Variants in PCDHA2 observed in about 807,000 individuals in gnomAD.
The protein encoded by PCDHA2 is protocadherin alpha 2.
In PCDHA2, 58 loss-of-function variants were observed where a neutral mutation model predicts 66.0. That is an observed-to-expected ratio of 0.88 (90% confidence interval 0.71 to 1.09). The LOEUF (loss-of-function observed/expected upper bound fraction) is 1.09, where lower values mean the gene tolerates loss of function less well. PCDHA2 is among the 50% of genes least tolerant of loss of function. The pLI, the probability that PCDHA2 is intolerant of heterozygous loss-of-function variation, is 0.00. For synonymous variants in PCDHA2, 634 were observed against 554.0 expected, an observed-to-expected ratio of 1.14 and a Z score of -2.03; for missense variants, 1,267 against 1,242.3, an observed-to-expected ratio of 1.02 and a Z score of -0.30.
rs1774863213 is a variant in PCDHA2 at position 140,837,000 on chromosome 5, G to A, written c.2388+39648G>A. The A allele has an allele frequency of 1.8e-5, 6 of 331,444 alleles. No individual in the cohort carries two copies. The East Asian group carries it at 3.3e-4, about 18-fold the overall frequency. 20.5% of individuals were successfully genotyped at this position (331,444 alleles called of 1,614,324 possible). A position where few individuals can be genotyped will look rare whatever the true frequency, so the allele number is the denominator to read the frequency against. On this transcript the variant is annotated intron_variant, in intron 1 of 3. Coordinates refer to ENST00000526136, the MANE Select transcript of PCDHA2 (RefSeq NM_018905.3). ...TTGGAGGAGGACTTTGCTAACTGGAGCAATGGATTCACCTTTCTTCTATAG... is the reference window on the plus strand; with the variant it reads ...TTGGAGGAGGACTTTGCTAACTGGAACAATGGATTCACCTTTCTTCTATAG...
At chr5:140,829,555 G>A in intron 1 of PCDHA2, 1 of 1,612,836 alleles carries the variant, frequency 6.2e-7, no homozygotes, top group Non-Finnish European at 8.5e-7. Context: ...AGGAGAACGC[G>A]CTGGTGTCCT....
In PCDHA2 at chr5:140,848,285, C is replaced by A. The variant is rs2150408028; in HGVS notation, c.2388+50933C>A. On this transcript the variant is annotated intron_variant, in intron 1 of 3. Coordinates refer to ENST00000526136, the MANE Select transcript of PCDHA2 (RefSeq NM_018905.3). ...TTTATTCATGAAATATGTACTTACA[C>A]TTTGGGCCACGTGATGTCACTCTTT... 1.5e-5 allele frequency: 9 copies of A among 616,904 alleles called. 3 individuals are homozygous for A. The highest frequency in any genetic ancestry group is 2.6e-5 in the Non-Finnish European group (9 of 351,312). 38.2% of individuals were successfully genotyped at this position (616,904 alleles called of 1,614,324 possible).
At chr5:140,807,188 A>C in intron 1 of PCDHA2, 1 of 1,613,140 alleles carries the variant, frequency 6.2e-7, no homozygotes, top group Non-Finnish European at 8.5e-7. Context: ...TGCACTAAAG[A>C]TGGAGTTTTC....
chr5:140,919,239 C>G (rs2079049864), intron 1 of PCDHA2, among the ~76,000 whole-genome samples: 1 of 152,188 alleles, frequency 6.6e-6, no homozygotes, highest in Non-Finnish European at 1.5e-5. Context: ...CACTTTTTGT[C>G]TTGTCTGTTT....
intron 1 of PCDHA2, chr5:140,808,421 G>T (rs1554124528): frequency 1.2e-6 from 2 of 1,614,156 alleles, no homozygotes; most frequent in Non-Finnish European, 1.7e-6. Flanking sequence ...GCTGGACAGT[G>T]CCCTGGACCG....
chr5:140,802,031 G>T, intron 1 of PCDHA2: 2 of 1,614,154 alleles, frequency 1.2e-6, no homozygotes, highest in Non-Finnish European at 1.7e-6. Context: ...AGGATATCGC[G>T]TATTCTTTCA....
intron 1 of PCDHA2, among the ~76,000 whole-genome samples, chr5:140,892,628 T>C (rs1554185308): frequency 6.6e-6 from 1 of 152,166 alleles, no homozygotes; most frequent in African/African-American, 2.4e-5. Flanking sequence ...TGGTACATAA[T>C]AATTGTACAT....
At chr5:140,820,700 C>T (rs1554127900) in intron 1 of PCDHA2, among the ~76,000 whole-genome samples, 1 of 151,906 alleles carries the variant, frequency 6.6e-6, no homozygotes, top group Admixed American at 6.6e-5. Flanking sequence ...ATATTCTTTT[C>T]AACATGATTA....
intron 1 of PCDHA2, among the ~76,000 whole-genome samples, chr5:140,900,840 T>G (rs6874218): frequency 0.33 from 49,667 of 152,016 alleles, 8,381 homozygotes; most frequent in East Asian, 0.53. Flanking sequence ...ATGTACAAAG[T>G]TTCCCTTTTT....
chr5:140,873,537 A>G, intron 1 of PCDHA2, among the ~76,000 whole-genome samples: 1 of 152,274 alleles, frequency 6.6e-6, no homozygotes, highest in Admixed American at 6.5e-5. Flanking sequence ...TCTATGGTAT[A>G]AAATTATAAT....
chr5:140,884,198 C>G, intron 1 of PCDHA2: 1 of 1,613,442 alleles, frequency 6.2e-7, no homozygotes, highest in Non-Finnish European at 8.5e-7. Flanking sequence ...GGACGCGCCG[C>G]ACCACCGCCT....
At chr5:140,918,940 A>C (rs541337613) in intron 1 of PCDHA2, among the ~76,000 whole-genome samples, 51 of 152,328 alleles carry the variant, frequency 3.3e-4, no homozygotes, top group African/African-American at 1.2e-3. Flanking sequence ...TTTTGTTATA[A>C]TATCCTGAAC....
At chr5:140,804,238 G>T (rs6579988) in intron 1 of PCDHA2, 88,854 of 151,772 alleles carry the variant, frequency 0.59, 26,783 homozygotes, top group African/African-American at 0.73. Flanking sequence ...TTTCCCAGTT[G>T]GGAAAAAAAT....
chr5:140,871,118 G>T (rs1554165149), intron 1 of PCDHA2: 1 of 1,613,306 alleles, frequency 6.2e-7, no homozygotes, highest in African/African-American at 1.3e-5. Context: ...GTGGAGAGCG[G>T]ACAGGCGCCA....
At chr5:140,853,708 A>G (rs535294888) in intron 1 of PCDHA2, 3 of 986,248 alleles carry the variant, frequency 3.0e-6, no homozygotes, top group South Asian at 9.5e-5. Flanking sequence ...ACGCATTAGC[A>G]TTAGCAGCAC....
chr5:141,010,446 C>G lies in PCDHA2; in HGVS notation c.*509C>G, dbSNP rs951181939. 39 of 944,590 alleles carry G rather than the reference C, an allele frequency of 4.1e-5. No homozygotes were observed. Among genetic ancestry groups the G allele is most frequent in the Non-Finnish European group, 5.6e-5 (37 of 656,282 alleles). The allele number at this position is 944,590 out of a possible 1,614,324, so 58.5% of individuals were successfully genotyped here. On this transcript the variant is annotated 3_prime_UTR_variant, in exon 4 of 4. Coordinates refer to ENST00000526136, the MANE Select transcript of PCDHA2 (RefSeq NM_018905.3). ...AGGCAAGAAAACAAAGACAAATAAA[C>G]AGCGGAAGTTATCAGTATGGAGGGG...
At chr5:140,894,405 C>T (rs1277416530) in intron 1 of PCDHA2, among the ~76,000 whole-genome samples, 4 of 151,926 alleles carry the variant, frequency 2.6e-5, no homozygotes, top group African/African-American at 9.7e-5. Flanking sequence ...CTTTGCTTTT[C>T]TTTTGTAGCT....
At chr5:140,801,865 C>T in intron 1 of PCDHA2, 4 of 1,614,102 alleles carry the variant, frequency 2.5e-6, no homozygotes, top group Non-Finnish European at 3.4e-6. Flanking sequence ...CCAGAGCTCA[C>T]TGGCACGACT....
At chr5:140,840,358 G>A (rs1180450322) in intron 1 of PCDHA2, among the ~76,000 whole-genome samples, 1 of 151,928 alleles carries the variant, frequency 6.6e-6, no homozygotes, top group East Asian at 1.9e-4. Flanking sequence ...AGGTAAAAAT[G>A]TCAGGTAGAA....
Sources: gnomAD v4.1 joint callset for allele counts (sites outside exome capture counted in the v4.1 genomes callset) on GRCh38, gnomAD v4.1.1 for gene constraint, MANE v1.5 for transcripts, NCBI Gene and HGNC (gene_info 2026-07-23, HGNC 2026-07-21) for gene names.